Variants in FBXW8 observed in about 807,000 individuals in gnomAD.
FBXW8 encodes the protein F-box/WD repeat-containing protein 8.
FBXW8 carries 57 observed loss-of-function variants against 65.3 expected under a neutral mutation model. The ratio of observed to expected loss-of-function variants is 0.87; its 90% CI spans 0.71 to 1.09. The LOEUF is 1.09. FBXW8 is among the 50% of genes least tolerant of loss of function. The pLI, the probability that FBXW8 is intolerant of heterozygous loss-of-function variation, is 0.00. For synonymous variants in FBXW8, 308 were observed against 330.2 expected (o/e 0.93, Z 0.73); for missense variants, 777 against 814.8 (o/e 0.95, Z 0.57).
At chr12:116,995,581 G>A (rs145867277) in intron 7 of FBXW8, among the ~76,000 whole-genome samples, 268 of 151,946 alleles carry the variant, frequency 1.8e-3, no homozygotes, top group Non-Finnish European at 3.0e-3. Context: ...CAGTTCCTAC[G>A]TCTTGCCTTG....
At chr12:117,008,528 T>C (rs1325408688) in intron 7 of FBXW8, among the ~76,000 whole-genome samples, 1 of 152,252 alleles carries the variant, frequency 6.6e-6, no homozygotes, top group Non-Finnish European at 1.5e-5. Flanking sequence ...TTTGAAATTG[T>C]CCTTCTTCCT....
chr12:116,945,232 A>T, intron 2 of FBXW8, 132 bp from the exon 3 acceptor site: 1 of 765,278 alleles, frequency 1.3e-6, no homozygotes, highest in Non-Finnish European at 2.0e-6. Context: ...TCCACCTCAT[A>T]GTGTTTTGTT....
intron 5 of FBXW8, among the ~76,000 whole-genome samples, chr12:116,983,049 C>T (rs1051660782): frequency 6.6e-6 from 1 of 152,110 alleles, no homozygotes; most frequent in Admixed American, 6.5e-5. Flanking sequence ...TAAAATGGTG[C>T]GCCTCCCAAG....
Position 116,994,707 on chromosome 12 carries a change from T to C in FBXW8, c.1239+5838T>C, listed in dbSNP as rs187213248. ...TTTCTATGACATAACAAAGAACTTTTTCATGTTTTGGTTTTGATTTTTGCA... is the reference window on the plus strand; with the variant it reads ...TTTCTATGACATAACAAAGAACTTTCTCATGTTTTGGTTTTGATTTTTGCA... On this transcript the variant is annotated intron_variant, in intron 7 of 10. Coordinates refer to ENST00000652555, the MANE Select transcript of FBXW8 (RefSeq NM_153348.3). 2.3e-3 allele frequency among the ~76,000 whole-genome samples: 353 copies of C among 152,352 alleles called. 3 individuals are homozygous for C. The highest frequency in any genetic ancestry group is 8.1e-3 in the African/African-American group (336 of 41,574).
chr12:116,978,124 T>C (rs1325972938), intron 5 of FBXW8: 1 of 152,254 alleles, frequency 6.6e-6, no homozygotes, highest in Non-Finnish European at 1.5e-5. Context: ...AACAGAGCTG[T>C]AGCGCTGTGG....
chr12:116,920,727 T>G (rs1264570534), intron 1 of FBXW8, among the ~76,000 whole-genome samples: 1 of 152,212 alleles, frequency 6.6e-6, no homozygotes, highest in African/African-American at 2.4e-5. Flanking sequence ...CTTAGTTTAA[T>G]GCTCTGTTGC....
intron 5 of FBXW8, chr12:116,977,753 A>C (rs961384145): frequency 6.6e-6 from 1 of 152,230 alleles, no homozygotes; most frequent in African/African-American, 2.4e-5. Context: ...CCCTTGTAGA[A>C]GCTGGTCCAA....
intron 2 of FBXW8, among the ~76,000 whole-genome samples, chr12:116,940,611 GT>G (rs1882502245): frequency 6.6e-6 from 1 of 151,920 alleles, no homozygotes; most frequent in South Asian, 2.1e-4. Flanking sequence ...ATACTCAGGA[GT>G]TTTAAGCTGA....
intron 1 of FBXW8, among the ~76,000 whole-genome samples, chr12:116,918,718 A>C (rs1433779162): frequency 6.6e-6 from 1 of 152,186 alleles, no homozygotes; most frequent in East Asian, 1.9e-4. Flanking sequence ...CCCATTCCTG[A>C]AGATGAAGGT....
At chr12:116,991,136 G>C (rs971393184) in intron 7 of FBXW8, among the ~76,000 whole-genome samples, 1 of 151,738 alleles carries the variant, frequency 6.6e-6, no homozygotes, top group Admixed American at 6.6e-5. Flanking sequence ...TATTTTGTGA[G>C]CATAGCACCA....
chr12:116,968,819 A>T (rs533076850), intron 5 of FBXW8, among the ~76,000 whole-genome samples: 4 of 147,796 alleles, frequency 2.7e-5, no homozygotes, highest in Admixed American at 6.7e-5. Context: ...AGGTTAAATT[A>T]AAAAAAAAAT....
intron 3 of FBXW8, 63 bp downstream of exon 3, chr12:116,945,591 CT>C: frequency 6.6e-7 from 1 of 1,516,086 alleles, no homozygotes; most frequent in Non-Finnish European, 9.0e-7. Context: ...GGAATCCAAG[CT>C]TTCACTCATA....
chr12:116,965,590 C>A (rs1009115762), intron 5 of FBXW8, among the ~76,000 whole-genome samples: 1 of 152,092 alleles, frequency 6.6e-6, no homozygotes, highest in Non-Finnish European at 1.5e-5. Context: ...AAAGTTGGGA[C>A]CACAGCATAT....
intron 8 of FBXW8, among the ~76,000 whole-genome samples, chr12:117,023,595 T>TAC (rs1464919577): frequency 6.6e-6 from 1 of 152,208 alleles, no homozygotes; most frequent in Admixed American, 6.5e-5. Flanking sequence ...CTGCCCAGGG[T>TAC]ACACACACCC....
chr12:117,004,865 C>T (rs1189277264), intron 7 of FBXW8, among the ~76,000 whole-genome samples: 1 of 152,188 alleles, frequency 6.6e-6, no homozygotes, highest in African/African-American at 2.4e-5. Flanking sequence ...GCTCTCTTAA[C>T]TTCCTGGGTT....
chr12:116,956,960 T>TC (rs1883685655), intron 4 of FBXW8, among the ~76,000 whole-genome samples: 1 of 151,228 alleles, frequency 6.6e-6, no homozygotes, highest in Admixed American at 6.6e-5. Flanking sequence ...AGAGTGAGAC[T>TC]CCATCTCCAA....
intron 5 of FBXW8, chr12:116,977,995 C>T (rs1405447975): frequency 6.6e-6 from 1 of 152,210 alleles, no homozygotes; most frequent in East Asian, 1.9e-4. Context: ...TTTTGGTGAT[C>T]TCGCTGCTTT....
chr12:116,926,720 G>T (rs1422618709), intron 1 of FBXW8, among the ~76,000 whole-genome samples: 1 of 151,948 alleles, frequency 6.6e-6, no homozygotes, highest in Non-Finnish European at 1.5e-5. Flanking sequence ...CCCACAGAGA[G>T]CTGTCAGCTC....
At chr12:116,924,407 G>A (rs4522274) in intron 1 of FBXW8, among the ~76,000 whole-genome samples, 116,854 of 152,140 alleles carry the variant, frequency 0.77, 46,315 homozygotes, top group Non-Finnish European at 0.86. Context: ...CACCTAAAAC[G>A]TTTATTATTT....
Sources: allele counts gnomAD v4.1 joint callset (sites outside exome capture counted in the v4.1 genomes callset), GRCh38; gene constraint gnomAD v4.1.1; transcripts MANE v1.5; gene names NCBI Gene and HGNC (gene_info 2026-07-23, HGNC 2026-07-21).